Variants in GUCY1A2 observed in about 807,000 individuals in gnomAD.
GUCY1A2 encodes guanylate cyclase 1 soluble subunit alpha 2.
Under a neutral mutation model 63.5 loss-of-function variants are expected in GUCY1A2, and 27 were observed. The ratio of observed to expected loss-of-function variants is 0.43; its 90% confidence interval spans 0.31 to 0.59. The LOEUF (loss-of-function observed/expected upper bound fraction) is 0.59, where lower values mean the gene tolerates loss of function less well. GUCY1A2 is among the 20% of genes least tolerant of loss of function. The pLI is 0.11. For synonymous variants in GUCY1A2, 364 were observed against 343.5 expected, an observed-to-expected ratio of 1.06 and a Z score of -0.66; for missense variants, 768 against 913.3, an observed-to-expected ratio of 0.84 and a Z score of 2.05.
chr11:106,762,902 A>AT (rs1565281514), intron 6 of GUCY1A2, among the ~76,000 whole-genome samples: 1 of 152,184 alleles, frequency 6.6e-6, no homozygotes, highest in East Asian at 1.9e-4. Flanking sequence ...GCTCCCACTA[A>AT]TTTTTAGCCA....
chr11:106,819,902 C>T (rs1282647005), intron 4 of GUCY1A2, among the ~76,000 whole-genome samples: 1 of 152,144 alleles, frequency 6.6e-6, no homozygotes, highest in Non-Finnish European at 1.5e-5. Flanking sequence ...TACCCAAATA[C>T]TGCATGGCCT....
intron 1 of GUCY1A2, among the ~76,000 whole-genome samples, chr11:107,002,386 C>T (rs1861622068): frequency 8.7e-6 from 1 of 115,324 alleles, no homozygotes; most frequent in Admixed American, 1.0e-4. Flanking sequence ...AGAATAAGAA[C>T]AGGTGTGTGT....
At chr11:106,810,682 A>C (rs1462314247) in intron 4 of GUCY1A2, among the ~76,000 whole-genome samples, 1 of 152,184 alleles carries the variant, frequency 6.6e-6, no homozygotes, top group East Asian at 1.9e-4. Flanking sequence ...TATCTCACTC[A>C]GCTACTTTCT....
At chr11:107,010,448 A>G (rs1861727611) in intron 1 of GUCY1A2, among the ~76,000 whole-genome samples, 1 of 152,190 alleles carries the variant, frequency 6.6e-6, no homozygotes, top group Admixed American at 6.5e-5. Flanking sequence ...ACTTCTTAAA[A>G]TATTATATAA....
At chr11:106,966,638 T>TA (rs1402754661) in intron 3 of GUCY1A2, among the ~76,000 whole-genome samples, 1 of 152,310 alleles carries the variant, frequency 6.6e-6, no homozygotes, top group East Asian at 1.9e-4. Context: ...CACAATATTA[T>TA]ATACAGACGT....
intron 6 of GUCY1A2, among the ~76,000 whole-genome samples, chr11:106,730,527 T>C (rs1371186338): frequency 6.6e-6 from 1 of 152,078 alleles, no homozygotes; most frequent in African/African-American, 2.4e-5. Context: ...TTGATGGACA[T>C]TTAGGTTGAT....
chr11:106,980,953 C>T (rs1433986999), intron 2 of GUCY1A2, among the ~76,000 whole-genome samples: 1 of 152,124 alleles, frequency 6.6e-6, no homozygotes, highest in Non-Finnish European at 1.5e-5. Context: ...TTTCTCTCAA[C>T]CTCAATTTCC....
intron 4 of GUCY1A2, among the ~76,000 whole-genome samples, chr11:106,930,071 A>C (rs1565335056): frequency 6.6e-6 from 1 of 152,210 alleles, no homozygotes; most frequent in African/African-American, 2.4e-5. Context: ...GCTTAGTCAA[A>C]ACTAAGGATT....
intron 3 of GUCY1A2, among the ~76,000 whole-genome samples, chr11:106,946,372 G>A (rs973167991): frequency 6.6e-6 from 1 of 152,004 alleles, no homozygotes. Flanking sequence ...CAAAAACAAT[G>A]TAAAAGAAAT....
At chr11:106,758,538 C>A (rs879692271) in intron 6 of GUCY1A2, among the ~76,000 whole-genome samples, 1 of 152,150 alleles carries the variant, frequency 6.6e-6, no homozygotes. Context: ...ATGAGATGAA[C>A]CAGGTACCTC....
At chr11:106,739,805 C>T (rs774438071) in intron 6 of GUCY1A2, among the ~76,000 whole-genome samples, 1 of 152,094 alleles carries the variant, frequency 6.6e-6, no homozygotes, top group Non-Finnish European at 1.5e-5. Flanking sequence ...AGGAGACATA[C>T]TATTGGGAAG....
intron 2 of GUCY1A2, among the ~76,000 whole-genome samples, chr11:106,980,679 G>A (rs1186373278): frequency 6.6e-6 from 1 of 152,196 alleles, no homozygotes; most frequent in Middle Eastern, 3.2e-3. Context: ...AGAGCAATCT[G>A]TCTAAGCTAA....
At position 106,939,890 on chromosome 11, in the gene GUCY1A2, T is replaced by C; in HGVS notation, c.776A>G (p.Lys259Arg). 1 of 1,614,190 alleles carries C rather than the reference T, an allele frequency of 6.2e-7. No individual in the cohort carries two copies. Among genetic ancestry groups the C allele is most frequent in the Non-Finnish European group, 8.5e-7 (1 of 1,180,028 alleles). The change falls in exon 4 of 8, where the codon AAG (lysine) becomes AGG (arginine). Residue 259 changes from lysine to arginine, a missense_variant. This residue lies in a region of GUCY1A2 where 496 missense variants were observed against 486.9 expected (regional missense o/e 1.02). Coordinates refer to ENST00000526355, the MANE Select transcript of GUCY1A2 (RefSeq NM_000855.3). ...AMLGMIKAAGKKIYRLDVEVE... is the reference protein window; with the variant it reads ...AMLGMIKAAGRKIYRLDVEVE... ...TTCCACATCCAGCCGATAGATCTTCTTTCCTGCAGCCTTAATCATCCCCAG... is the reference window on the plus strand; with the variant it reads ...TTCCACATCCAGCCGATAGATCTTCCTTCCTGCAGCCTTAATCATCCCCAG...
intron 4 of GUCY1A2, among the ~76,000 whole-genome samples, chr11:106,929,377 A>AT (rs1860570941): frequency 6.6e-6 from 1 of 152,148 alleles, no homozygotes; most frequent in African/African-American, 2.4e-5. Flanking sequence ...ATTGAGTTGA[A>AT]TTTTAAAAGC....
intron 4 of GUCY1A2, among the ~76,000 whole-genome samples, chr11:106,872,704 G>A (rs894352514): frequency 2.0e-5 from 3 of 152,192 alleles, no homozygotes; most frequent in Non-Finnish European, 4.4e-5. Context: ...ATATAAGCAT[G>A]CTGTCTGGAT....
At chr11:106,899,602 C>T (rs953852217) in intron 4 of GUCY1A2, among the ~76,000 whole-genome samples, 4 of 152,124 alleles carry the variant, frequency 2.6e-5, no homozygotes, top group African/African-American at 9.7e-5. Context: ...ATCATATTTT[C>T]CTCCCCACAG....
At chr11:106,974,159 C>G (rs897220671) in intron 3 of GUCY1A2, among the ~76,000 whole-genome samples, 34 of 152,026 alleles carry the variant, frequency 2.2e-4, no homozygotes, top group Middle Eastern at 3.4e-3. Flanking sequence ...TAGTAAAATA[C>G]TGAAAATATT....
In GUCY1A2 at chr11:106,675,196, T is replaced by A. The variant is rs573708974; in HGVS notation, c.*12353A>T. The stretch of plus-strand genomic sequence containing the variant: ...ATAATGAGACAGTTTTGTCACTTAA[T>A]TACCGAAGTTATAATGTAGCTACAG... On this transcript the variant is annotated 3_prime_UTR_variant, in exon 8 of 8. Transcript: ENST00000526355. The A allele has an allele frequency of 4.3e-5, 9 of 207,424 alleles. No homozygotes were observed. The highest frequency in any genetic ancestry group is 6.9e-5 in the Non-Finnish European group (7 of 101,606). The allele number at this position is 207,424 out of a possible 1,614,324, so 12.8% of individuals were successfully genotyped here. A position where few individuals can be genotyped will look rare whatever the true frequency, so the allele number is the denominator to read the frequency against.
At chr11:106,774,945 T>C (rs11602711) in intron 6 of GUCY1A2, among the ~76,000 whole-genome samples, 1 of 152,060 alleles carries the variant, frequency 6.6e-6, no homozygotes, top group African/African-American at 2.4e-5. Context: ...TTTTTATTTC[T>C]TATAGTTACG....
Sources: allele counts gnomAD v4.1 joint callset (sites outside exome capture counted in the v4.1 genomes callset), GRCh38; gene constraint gnomAD v4.1.1; regional missense constraint gnomAD v4.1.1; transcripts MANE v1.5; gene names NCBI Gene and HGNC (gene_info 2026-07-23, HGNC 2026-07-21).